Variants in ROBO2 observed in about 807,000 individuals in gnomAD.
The protein encoded by ROBO2 is roundabout homolog 2.
In ROBO2, 53 loss-of-function variants were observed where a neutral mutation model predicts 160.8. The ratio of observed to expected loss-of-function variants is 0.33; its 90% CI spans 0.26 to 0.41. The LOEUF is 0.41. Among genes scored for constraint, ROBO2 ranks in the 10% least tolerant of loss-of-function variants. The pLI, the probability that ROBO2 is intolerant of heterozygous loss-of-function variation, is 1.00. For synonymous variants in ROBO2, 664 were observed against 611.7 expected (o/e 1.09, Z -1.26); for missense variants, 1,577 against 1,722.4 (o/e 0.92, Z 1.49).
chr3:76,372,402 A>G (rs1441790076), intron 2 of ROBO2, among the ~76,000 whole-genome samples: 1 of 151,924 alleles, frequency 6.6e-6, no homozygotes, highest in East Asian at 1.9e-4. Flanking sequence ...AATTGATGTG[A>G]AATTCTATAA....
intron 2 of ROBO2, among the ~76,000 whole-genome samples, chr3:76,872,323 A>G (rs565022001): frequency 6.6e-6 from 1 of 152,286 alleles, no homozygotes; most frequent in East Asian, 1.9e-4. Context: ...AATCAGTCTT[A>G]TTTTAGAAAA....
intron 2 of ROBO2, among the ~76,000 whole-genome samples, chr3:76,398,782 G>A (rs1361910717): frequency 2.0e-5 from 3 of 151,654 alleles, no homozygotes; most frequent in Admixed American, 6.6e-5. Flanking sequence ...TTTAGCATAT[G>A]CTATTAGTTT....
At chr3:77,526,138 C>T (rs891996438) in intron 6 of ROBO2, among the ~76,000 whole-genome samples, 4 of 151,416 alleles carry the variant, frequency 2.6e-5, no homozygotes, top group Non-Finnish European at 5.9e-5. Flanking sequence ...ATTAGGGTTC[C>T]ACTAAACCAG....
At chr3:76,470,936 T>C (rs1447595170) in intron 2 of ROBO2, among the ~76,000 whole-genome samples, 1 of 152,162 alleles carries the variant, frequency 6.6e-6, no homozygotes, top group African/African-American at 2.4e-5. Flanking sequence ...TTCCTGAGTA[T>C]AGTAATAATG....
intron 2 of ROBO2, among the ~76,000 whole-genome samples, chr3:76,555,330 A>AGG: frequency 7.3e-6 from 1 of 136,644 alleles, no homozygotes; most frequent in East Asian, 2.2e-4. Context: ...AAAAAAGAAG[A>AGG]AGAGGAAGAG....
chr3:77,030,101 C>T (rs1242112050), intron 2 of ROBO2, among the ~76,000 whole-genome samples: 3 of 152,026 alleles, frequency 2.0e-5, no homozygotes, highest in Non-Finnish European at 2.9e-5. Context: ...CCCGCCACCA[C>T]GCCCGGCTAA....
chr3:76,963,744 T>G (rs2079841106), intron 2 of ROBO2, among the ~76,000 whole-genome samples: 1 of 148,532 alleles, frequency 6.7e-6, no homozygotes. Flanking sequence ...CAAAAAGACC[T>G]AAATTATTAG....
chr3:76,261,698 T>A (rs1243749349), intron 2 of ROBO2, among the ~76,000 whole-genome samples: 1 of 152,112 alleles, frequency 6.6e-6, no homozygotes, highest in East Asian at 1.9e-4. Flanking sequence ...ATAAGCCCTC[T>A]CCTCATCGTA....
intron 2 of ROBO2, among the ~76,000 whole-genome samples, chr3:76,622,253 A>AGAAAGAAAGAAAGAAAGAAGGAAG: frequency 1.7e-5 from 1 of 57,538 alleles, no homozygotes; most frequent in Non-Finnish European, 3.5e-5. Flanking sequence ...AAAGAAAGAA[A>AGAAAGAAAGAAAGAAAGAAGGAAG]GAAAGAAAGA....
At chr3:76,300,585 T>A (rs1290323248) in intron 2 of ROBO2, among the ~76,000 whole-genome samples, 2 of 152,034 alleles carry the variant, frequency 1.3e-5, no homozygotes, top group African/African-American at 4.8e-5. Context: ...AATTAACAAA[T>A]TCTTCTACTT....
At chr3:76,999,350 G>A (rs1386744333) in intron 2 of ROBO2, among the ~76,000 whole-genome samples, 1 of 152,030 alleles carries the variant, frequency 6.6e-6, no homozygotes, top group African/African-American at 2.4e-5. Flanking sequence ...TAACCCCCTT[G>A]TAGATAGGTA....
At chr3:76,248,417 C>T (rs947428516) in intron 2 of ROBO2, among the ~76,000 whole-genome samples, 1 of 149,820 alleles carries the variant, frequency 6.7e-6, no homozygotes, top group Non-Finnish European at 1.5e-5. Flanking sequence ...TGCATATTCT[C>T]ACTCATAGGT....
intron 1 of ROBO2, among the ~76,000 whole-genome samples, chr3:77,061,810 T>C (rs138618667): frequency 1.3e-5 from 2 of 152,256 alleles, no homozygotes; most frequent in East Asian, 1.9e-4. Flanking sequence ...AATTAACATA[T>C]AGGGACAAAG....
intron 2 of ROBO2, among the ~76,000 whole-genome samples, chr3:76,961,186 C>A (rs1296412255): frequency 7.3e-6 from 1 of 136,328 alleles, no homozygotes; most frequent in Non-Finnish European, 1.5e-5. Context: ...AGACCCTGCT[C>A]AATCAGAATT....
intron 2 of ROBO2, among the ~76,000 whole-genome samples, chr3:76,959,606 T>C (rs1356491147): frequency 6.6e-6 from 1 of 152,166 alleles, no homozygotes; most frequent in Non-Finnish European, 1.5e-5. Flanking sequence ...TCAAGGATGC[T>C]AAGTCTCTCT....
At chr3:76,876,557 C>T (rs937426338) in intron 2 of ROBO2, among the ~76,000 whole-genome samples, 1 of 152,016 alleles carries the variant, frequency 6.6e-6, no homozygotes, top group African/African-American at 2.4e-5. Flanking sequence ...TGCCTTTAAT[C>T]CCAACTACTT....
intron 2 of ROBO2, among the ~76,000 whole-genome samples, chr3:76,876,965 T>A (rs1055001815): frequency 6.6e-6 from 1 of 152,230 alleles, no homozygotes; most frequent in South Asian, 2.1e-4. Context: ...GATACTATCA[T>A]TTTTAAGACA....
At chr3:76,436,118 C>A (rs1298905350) in intron 2 of ROBO2, among the ~76,000 whole-genome samples, 1 of 134,830 alleles carries the variant, frequency 7.4e-6, no homozygotes, top group African/African-American at 2.7e-5. Flanking sequence ...TCTCTGGGAT[C>A]CCTGCCCAGC....
chr3:77,609,688 T>C (rs2094588346), intron 21 of ROBO2, among the ~76,000 whole-genome samples: 1 of 151,476 alleles, frequency 6.6e-6, no homozygotes, highest in African/African-American at 2.4e-5. Flanking sequence ...ATTCATGAAA[T>C]AGTAGATGGT....
Sources: gnomAD v4.1 joint callset for allele counts (sites outside exome capture counted in the v4.1 genomes callset) on GRCh38, gnomAD v4.1.1 for gene constraint, MANE v1.5 for transcripts, NCBI Gene and HGNC (gene_info 2026-07-23, HGNC 2026-07-21) for gene names.